POU2AF2: variants seen among roughly 807,000 people sequenced by gnomAD.
The protein encoded by POU2AF2 is POU class 2 homeobox associating factor 2, also known as POU domain class 2-associating factor 2.
the POU2AF2 span, among the ~76,000 whole-genome samples, chr11:111,247,917 C>T: frequency 2.6e-5 from 3 of 117,224 alleles, no homozygotes; most frequent in African/African-American, 3.3e-5. Context: ...CTCGCTTTGT[C>T]GCTCAGGCTG....
chr11:111,268,481 TA>T, the POU2AF2 span, among the ~76,000 whole-genome samples: 32,796 of 101,754 alleles, frequency 0.32, 6,194 homozygotes, highest in Admixed American at 0.4. Flanking sequence ...TTTCTTTTTT[TA>T]TTTTATTTTA....
the POU2AF2 span, among the ~76,000 whole-genome samples, chr11:111,280,060 AT>A: frequency 0.023 from 714 of 31,458 alleles, 5 homozygotes; most frequent in East Asian, 0.084. Flanking sequence ...AAAAAAAAAT[AT>A]ATATATATAT....
the POU2AF2 span, chr11:111,285,688 C>T: frequency 6.2e-7 from 1 of 1,613,584 alleles, no homozygotes; most frequent in Non-Finnish European, 8.5e-7. Flanking sequence ...CTGACGGTCT[C>T]AGCCAGCCTG....
chr11:111,250,827 C>G, the POU2AF2 span, among the ~76,000 whole-genome samples: 17 of 152,272 alleles, frequency 1.1e-4, no homozygotes, highest in Admixed American at 3.3e-4. Flanking sequence ...GTACTCCAGA[C>G]AGCAGAGACA....
the POU2AF2 span, among the ~76,000 whole-genome samples, chr11:111,272,947 T>C: frequency 3.3e-5 from 5 of 152,268 alleles, no homozygotes; most frequent in South Asian, 1.0e-3. Flanking sequence ...CCAATTCAAA[T>C]CCTCCACACA....
chr11:111,259,686 C>A, the POU2AF2 span, among the ~76,000 whole-genome samples: 2 of 152,084 alleles, frequency 1.3e-5, no homozygotes, highest in Non-Finnish European at 2.9e-5. Context: ...AGCAAACAAA[C>A]GGGTTTTTTA....
the POU2AF2 span, among the ~76,000 whole-genome samples, chr11:111,257,219 T>C: frequency 4.6e-5 from 7 of 152,220 alleles, no homozygotes; most frequent in Non-Finnish European, 1.0e-4. Flanking sequence ...ACGCAGCAGG[T>C]ACTGGTTCTT....
chr11:111,272,720 T>C, the POU2AF2 span, among the ~76,000 whole-genome samples: 1 of 152,228 alleles, frequency 6.6e-6, no homozygotes, highest in Non-Finnish European at 1.5e-5. Context: ...GTCTTACTCC[T>C]CTTTGTATTT....
the POU2AF2 span, among the ~76,000 whole-genome samples, chr11:111,259,556 T>A: frequency 1.1e-3 from 166 of 152,212 alleles, no homozygotes; most frequent in Admixed American, 2.9e-3. Context: ...CCTCAGGTAA[T>A]CCACCCACCT....
At chr11:111,282,058 C>A in the POU2AF2 span, among the ~76,000 whole-genome samples, 1 of 152,014 alleles carries the variant, frequency 6.6e-6, no homozygotes, top group East Asian at 1.9e-4. Context: ...GTTTCCCAAT[C>A]ATATATAGTG....
At chr11:111,285,524 T>C in the POU2AF2 span, 5 of 942,884 alleles carry the variant, frequency 5.3e-6, no homozygotes, top group South Asian at 9.3e-5. Context: ...AAGAGCAGCC[T>C]GAGAGCCAGG....
At chr11:111,251,269 A>G in the POU2AF2 span, among the ~76,000 whole-genome samples, 1 of 152,194 alleles carries the variant, frequency 6.6e-6, no homozygotes, top group Admixed American at 6.5e-5. Context: ...ATAGGCTGTG[A>G]AAGATGAGAC....
At chr11:111,251,213 AC>A in the POU2AF2 span, among the ~76,000 whole-genome samples, 1 of 152,078 alleles carries the variant, frequency 6.6e-6, no homozygotes, top group Non-Finnish European at 1.5e-5. Context: ...AAGTCAGCAG[AC>A]TCTGGATGTA....
At chr11:111,280,721 C>T in the POU2AF2 span, among the ~76,000 whole-genome samples, 2 of 151,976 alleles carry the variant, frequency 1.3e-5, no homozygotes, top group African/African-American at 4.8e-5. Flanking sequence ...TTTAGATATG[C>T]CAAAGAGAAG....
chr11:111,253,571 C>T, the POU2AF2 span, among the ~76,000 whole-genome samples: 1 of 152,202 alleles, frequency 6.6e-6, no homozygotes. Flanking sequence ...ACTCAGTCCC[C>T]ATCAGCTCTT....
chr11:111,276,144 C>T, the POU2AF2 span, among the ~76,000 whole-genome samples: 2 of 151,628 alleles, frequency 1.3e-5, no homozygotes, highest in Admixed American at 6.6e-5. Flanking sequence ...GACATGAATC[C>T]CTAGATTCAT....
At chr11:111,264,893 A>AGAAG in the POU2AF2 span, among the ~76,000 whole-genome samples, 27 of 139,632 alleles carry the variant, frequency 1.9e-4, no homozygotes, top group African/African-American at 6.3e-4. Context: ...AAAAGAAAAG[A>AGAAG]GAAGGAAGGA....
At chr11:111,266,224 T>TA in the POU2AF2 span, among the ~76,000 whole-genome samples, 3 of 152,128 alleles carry the variant, frequency 2.0e-5, no homozygotes, top group East Asian at 3.8e-4. Context: ...TTCCTGAATT[T>TA]AAAAAATCTT....
chr11:111,271,731 G>T, the POU2AF2 span, among the ~76,000 whole-genome samples: 1 of 152,188 alleles, frequency 6.6e-6, no homozygotes, highest in Non-Finnish European at 1.5e-5. Context: ...GCACAAAAAA[G>T]GCTAGGCATG....
Sources: gnomAD v4.1 joint callset for allele counts (sites outside exome capture counted in the v4.1 genomes callset) on GRCh38, gnomAD v4.1.1 for gene constraint, MANE v1.5 for transcripts, NCBI Gene and HGNC (gene_info 2026-07-23, HGNC 2026-07-21) for gene names.